The following GPD2 variants were observed in gnomAD, a reference collection of about 807,000 sequenced individuals.
The protein encoded by GPD2 is glycerol-3-phosphate dehydrogenase 2.
In GPD2, 54 loss-of-function variants were observed where a neutral mutation model predicts 82.4. The ratio of observed to expected loss-of-function variants is 0.66; its 90% CI spans 0.53 to 0.82. The LOEUF is 0.82. Among genes scored for constraint, GPD2 ranks in the 40% least tolerant of loss-of-function variants. The pLI, the probability that GPD2 is intolerant of heterozygous loss-of-function variation, is 0.00. For synonymous variants in GPD2, 288 were observed against 306.1 expected (o/e 0.94, Z 0.62); for missense variants, 748 against 896.2 (o/e 0.83, Z 2.11).
chr2:156,575,270 C>T (rs957172105), intron 13 of GPD2, among the ~76,000 whole-genome samples: 2 of 152,028 alleles, frequency 1.3e-5, no homozygotes, highest in African/African-American at 4.8e-5. Flanking sequence ...ATTGATCTTG[C>T]GTGGTTTTCT....
At chr2:156,475,678 T>C (rs954365743) in intron 1 of GPD2, among the ~76,000 whole-genome samples, 3 of 152,256 alleles carry the variant, frequency 2.0e-5, no homozygotes, top group Non-Finnish European at 4.4e-5. Flanking sequence ...TGATGTTTAT[T>C]GTCTTGTTGA....
chr2:156,418,616 A>G, the GPD2 span, among the ~76,000 whole-genome samples: 3 of 152,160 alleles, frequency 2.0e-5, no homozygotes, highest in Non-Finnish European at 2.9e-5. Context: ...GGTTCACTGG[A>G]AATCACTGAC....
chr2:156,528,446 T>G (rs944773223), intron 6 of GPD2, among the ~76,000 whole-genome samples: 32 of 151,484 alleles, frequency 2.1e-4, no homozygotes, highest in African/African-American at 7.5e-4. Flanking sequence ...TTTATTTTTA[T>G]TATTATTATA....
At chr2:156,460,034 G>A (rs1275805265) in intron 1 of GPD2, among the ~76,000 whole-genome samples, 1 of 152,162 alleles carries the variant, frequency 6.6e-6, no homozygotes, top group Non-Finnish European at 1.5e-5. Context: ...CTTGCCTCCT[G>A]ACTGCTTCAT....
intron 9 of GPD2, among the ~76,000 whole-genome samples, chr2:156,566,261 A>G (rs1294731019): frequency 1.3e-5 from 2 of 152,136 alleles, no homozygotes. Context: ...TTTTAAGTGT[A>G]CAGTTCTGTG....
chr2:156,505,892 A>G (rs1175237652), intron 3 of GPD2, among the ~76,000 whole-genome samples: 1 of 152,232 alleles, frequency 6.6e-6, no homozygotes, highest in Non-Finnish European at 1.5e-5. Context: ...TGATTTCAGT[A>G]ATTTTTGAGG....
intron 6 of GPD2, among the ~76,000 whole-genome samples, chr2:156,538,602 C>T (rs1367222656): frequency 3.3e-5 from 5 of 151,704 alleles, no homozygotes; most frequent in East Asian, 1.9e-4. Flanking sequence ...GGGTGGATCA[C>T]GAGGTCAGGA....
rs1244461140 is a variant in GPD2, at chr2:156,511,022, C to G, written c.399+102C>G. 3 of 1,009,176 alleles carry G rather than the reference C, an allele frequency of 3.0e-6. No individual in the cohort carries two copies. In the South Asian group the frequency reaches 3.8e-5, roughly 13 times the overall value. 62.5% of individuals were successfully genotyped at this position (1,009,176 alleles called of 1,614,324 possible). On this transcript the variant is annotated intron_variant, in intron 4 of 16. Coordinates refer to ENST00000438166, the MANE Select transcript of GPD2 (RefSeq NM_000408.5). ...CTTTAATGGCTTAAAAGCATTTCTT[C>G]CTGTTGGAAATACCTATTTAGTGTA...
rs537542220 is a variant in GPD2, at chr2:156,451,303, C to G, written c.-9+14790C>G. Among the ~76,000 whole-genome samples the G allele has an allele frequency of 7.4e-4, 112 of 150,594 alleles. 2 individuals carry two copies. The highest frequency in any genetic ancestry group is 2.6e-3 in the African/African-American group (107 of 41,116). On this transcript the variant is annotated intron_variant, in intron 1 of 16. Coordinates refer to ENST00000438166, the MANE Select transcript of GPD2 (RefSeq NM_000408.5). ...TGGCAGGGCGGGGGGCTGACCCCCC[C>G]ACCTCCTTTCCGGACAGGGCGGCTG...
chr2:156,497,030 A>G (rs1684409881), intron 3 of GPD2, among the ~76,000 whole-genome samples: 1 of 152,238 alleles, frequency 6.6e-6, no homozygotes, highest in Admixed American at 6.5e-5. Context: ...TTAGTATAGA[A>G]CACCAATGCT....
At chr2:156,404,686 C>CAAAAAAAAAAAAAAAAAAAAAAA in the GPD2 span, among the ~76,000 whole-genome samples, 2 of 64,386 alleles carry the variant, frequency 3.1e-5, 1 homozygote, top group Non-Finnish European at 5.6e-5. Context: ...TTAAAAATAC[C>CAAAAAAAAAAAAAAAAAAAAAAA]AAAAAAAAAA....
intron 13 of GPD2, among the ~76,000 whole-genome samples, chr2:156,578,422 G>T (rs1297761703): frequency 2.0e-5 from 3 of 150,056 alleles, no homozygotes; most frequent in African/African-American, 7.4e-5. Flanking sequence ...TGTAGATTTT[G>T]TCGGTCAGTT....
Position 156,460,129 on chromosome 2 carries a change from A to C in GPD2, c.-8-15969A>C, listed in dbSNP as rs139958426. On this transcript the variant is annotated intron_variant, in intron 1 of 16. Coordinates refer to ENST00000438166, the MANE Select transcript of GPD2 (RefSeq NM_000408.5). Reference sequence around the variant, plus strand: ...TAATATTATCCCAATTTTATCTCAGACATTATCTCAAAATTATTTCAAAAT... The same window carrying C: ...TAATATTATCCCAATTTTATCTCAGCCATTATCTCAAAATTATTTCAAAAT... 4.0e-3 allele frequency among the ~76,000 whole-genome samples: 611 copies of C among 152,350 alleles called. 4 individuals are homozygous for C. The highest frequency in any genetic ancestry group is 0.014 in the African/African-American group (583 of 41,568).
chr2:156,480,854 T>C (rs1020822434), intron 2 of GPD2, among the ~76,000 whole-genome samples: 3 of 150,932 alleles, frequency 2.0e-5, no homozygotes, highest in African/African-American at 7.3e-5. Flanking sequence ...TCTCAGCTCA[T>C]TGCAACCTCT....
the GPD2 span, among the ~76,000 whole-genome samples, chr2:156,407,635 A>G: frequency 6.6e-6 from 1 of 152,232 alleles, no homozygotes; most frequent in African/African-American, 2.4e-5. Flanking sequence ...ACAGTGAGGT[A>G]CCATAATTAC....
intron 4 of GPD2, among the ~76,000 whole-genome samples, chr2:156,511,228 A>G (rs1684986922): frequency 6.6e-6 from 1 of 152,210 alleles, no homozygotes. Context: ...CCAAATTGCT[A>G]CTTTGCAAGC....
At chr2:156,542,737 A>G (rs569883719) in intron 6 of GPD2, among the ~76,000 whole-genome samples, 200 of 152,224 alleles carry the variant, frequency 1.3e-3, no homozygotes, top group African/African-American at 4.7e-3. Context: ...TTAGAACTTA[A>G]TTGCCTCCTT....
chr2:156,502,746 C>T (rs1684631855), intron 3 of GPD2, among the ~76,000 whole-genome samples: 1 of 150,714 alleles, frequency 6.6e-6, no homozygotes, highest in Non-Finnish European at 1.5e-5. Flanking sequence ...TTTCTAAATC[C>T]TTTTGTTATG....
intron 10 of GPD2, 142 bp from the exon 11 acceptor site, chr2:156,569,221 T>G: frequency 4.3e-6 from 3 of 702,754 alleles, no homozygotes; most frequent in Non-Finnish European, 7.6e-6. Flanking sequence ...AAGCATTTTT[T>G]TTATTCTGAA....
Sources: gnomAD v4.1 joint callset for allele counts (sites outside exome capture counted in the v4.1 genomes callset) on GRCh38, gnomAD v4.1.1 for gene constraint, MANE v1.5 for transcripts, NCBI Gene and HGNC (gene_info 2026-07-23, HGNC 2026-07-21) for gene names.